The following RECK variants were observed in gnomAD, a reference collection of about 807,000 sequenced individuals.
RECK encodes reversion-inducing cysteine-rich protein with Kazal motifs.
Under a neutral mutation model 115.1 loss-of-function variants are expected in RECK, and 69 were observed. The ratio of observed to expected loss-of-function variants is 0.60; its 90% confidence interval spans 0.49 to 0.73. The LOEUF (loss-of-function observed/expected upper bound fraction) is 0.73, where lower values mean the gene tolerates loss of function less well. Ranked by LOEUF, RECK falls within the 30% of genes least tolerant of loss-of-function variation. RECK has a pLI of 0.00. For missense variants in RECK, 1,047 were observed against 1,203.7 expected (o/e 0.87, Z 1.93); for synonymous variants, 414 against 419.7 (o/e 0.99, Z 0.17).
At chr9:36,117,299 C>CA in intron 17 of RECK, 122 bp downstream of exon 17, 1 of 718,534 alleles carries the variant, frequency 1.4e-6, no homozygotes, top group Non-Finnish European at 2.2e-6. Context: ...AAATCTATAG[C>CA]ACCCAGTCCT....
At chr9:36,050,636 A>G (rs568876640) in intron 1 of RECK, among the ~76,000 whole-genome samples, 7 of 152,244 alleles carry the variant, frequency 4.6e-5, no homozygotes, top group Non-Finnish European at 8.8e-5. Flanking sequence ...GTGGTTTTCC[A>G]TCCTTCTCAG....
At chr9:36,043,915 C>A (rs1175625126) in intron 1 of RECK, among the ~76,000 whole-genome samples, 1 of 151,986 alleles carries the variant, frequency 6.6e-6, no homozygotes, top group African/African-American at 2.4e-5. Context: ...GTGACTATAG[C>A]CTTATAGTAT....
intron 20 of RECK, 23 bp from the exon 21 acceptor site, chr9:36,122,800 AG>A (rs1824510532): frequency 6.3e-7 from 1 of 1,594,386 alleles, no homozygotes. Flanking sequence ...TTTTATATTA[AG>A]GGAACCTTGT....
chr9:36,061,252 C>A (rs974749766), intron 4 of RECK, among the ~76,000 whole-genome samples: 1 of 151,890 alleles, frequency 6.6e-6, no homozygotes, highest in African/African-American at 2.4e-5. Context: ...AAGAGTATAC[C>A]TTATGTATCT....
intron 14 of RECK, among the ~76,000 whole-genome samples, chr9:36,109,306 C>T (rs1411391593): frequency 1.3e-5 from 2 of 152,158 alleles, no homozygotes; most frequent in Non-Finnish European, 2.9e-5. Flanking sequence ...ACCAAGTGCT[C>T]TTCTGGGAGC....
chr9:36,073,241 G>GACACACACACACACACACAC (rs778489595), intron 6 of RECK, among the ~76,000 whole-genome samples: 21 of 67,546 alleles, frequency 3.1e-4, no homozygotes, highest in South Asian at 1.6e-3. Flanking sequence ...GACACACACA[G>GACACACACACACACACACAC]ACACACACAC....
intron 13 of RECK, among the ~76,000 whole-genome samples, chr9:36,107,726 T>C (rs1168548301): frequency 6.6e-6 from 1 of 152,188 alleles, no homozygotes; most frequent in African/African-American, 2.4e-5. Context: ...AGCACTGTTA[T>C]ACTGAATGAT....
chr9:36,065,817 A>G (rs1821974794), intron 6 of RECK, among the ~76,000 whole-genome samples, 193 bp downstream of exon 6: 1 of 152,174 alleles, frequency 6.6e-6, no homozygotes, highest in South Asian at 2.1e-4. Flanking sequence ...GTTGAAATGA[A>G]GTATTAATTT....
intron 10 of RECK, among the ~76,000 whole-genome samples, chr9:36,093,926 T>C (rs1475912617): frequency 6.6e-6 from 1 of 151,880 alleles, no homozygotes; most frequent in African/African-American, 2.4e-5. Flanking sequence ...TCAGAAACAA[T>C]GGAGAACCAA....
intron 12 of RECK, among the ~76,000 whole-genome samples, chr9:36,102,829 G>A (rs1009440498): frequency 1.2e-4 from 18 of 151,780 alleles, no homozygotes; most frequent in African/African-American, 3.9e-4. Flanking sequence ...GGTGGCGGGC[G>A]CCTGTAGTCC....
rs1396648690 is a variant in RECK at position 36,114,731 on chromosome 9, G to A, written c.2061-2254G>A. 4.6e-5 allele frequency among the ~76,000 whole-genome samples: 7 copies of A among 152,230 alleles called. No homozygotes were observed. The East Asian group carries it at 1.4e-3, about 29-fold the overall frequency. ...ATGGTGGCTTCCACCTGTAGTCCCA[G>A]CTACTCGGGAGGCTGAGGCAGGAGA... On this transcript the variant is annotated intron_variant, in intron 16 of 20. Transcript: ENST00000377966.
At chr9:36,037,189 G>C (rs900979428) in intron 1 of RECK, 91 bp downstream of exon 1, 4 of 782,924 alleles carry the variant, frequency 5.1e-6, no homozygotes, top group Middle Eastern at 4.3e-4. Flanking sequence ...GGGGGTGCGC[G>C]CGACCCCCAG....
At position 36,087,874 on chromosome 9, in the gene RECK, C is replaced by T. The variant is rs750310679; in HGVS notation, c.818C>T (p.Pro273Leu). The T allele has an allele frequency of 4.3e-6, 7 of 1,613,820 alleles. No homozygotes were observed. Among genetic ancestry groups the T allele is most frequent in the Admixed American group, 1.7e-5 (1 of 60,006 alleles). The change falls in exon 9 of 21, where the codon CCT becomes CTT. Residue 273 changes from proline to leucine, a missense_variant. By Grantham distance (98) the Pro-to-Leu change is moderately conservative. Transcript: ENST00000377966. ...CTTGAAAGCTCACAATCTGTTCACC[C>T]TGGAGTCACTGTACACCCTCCTCCC... ...CFLESSQSVH[P>L]GVTVHPPPST...
chr9:36,062,589 C>CA (rs1398770619), intron 4 of RECK, among the ~76,000 whole-genome samples: 1 of 152,010 alleles, frequency 6.6e-6, no homozygotes, highest in African/African-American at 2.4e-5. Flanking sequence ...GCAGTTCTCC[C>CA]ACCTCACCCT....
chr9:36,121,418 C>T (rs569588445), intron 19 of RECK, 115 bp from the exon 20 acceptor site: 31 of 954,404 alleles, frequency 3.2e-5, no homozygotes, highest in South Asian at 5.2e-5. Context: ...TTGGGCCTTC[C>T]GCTGAGGGCT....
rs1378637697 is a variant in RECK, at chr9:36,123,530, TATG to T, written c.*487_*489del. 1.3e-5 allele frequency: 2 copies of T among 152,668 alleles called. No homozygotes were observed. The allele number at this position is 152,668 out of a possible 1,614,324, so 9.5% of individuals were successfully genotyped here. On this transcript the variant is annotated 3_prime_UTR_variant, in exon 21 of 21. Transcript: ENST00000377966. ...GTGAAGAGCCACTGCCATTAAAGAA[TATG>T]AAACATAGATAAAACATCTTTGAAA...
Position 36,112,142 on chromosome 9 carries a change from A to C in RECK, c.1889-163A>C, listed in dbSNP as rs985673241. On this transcript the variant is annotated intron_variant, in intron 15 of 20. Coordinates refer to ENST00000377966, the MANE Select transcript of RECK (RefSeq NM_021111.3). ...CATCTCAAAAAAAAAAAAAAAAAAA[A>C]AACCCTGTCAGAGATCGGAGAGAAG... 1.1e-4 allele frequency among the ~76,000 whole-genome samples: 17 copies of C among 150,738 alleles called. No individual in the cohort carries two copies. In the East Asian group the frequency reaches 2.9e-3, roughly 26 times the overall value.
At chr9:36,040,648 G>A (rs999573232) in intron 1 of RECK, among the ~76,000 whole-genome samples, 24 of 152,006 alleles carry the variant, frequency 1.6e-4, no homozygotes, top group African/African-American at 5.6e-4. Context: ...TGGGGTAAGA[G>A]TATAAGCAGG....
Position 36,119,605 on chromosome 9 carries a change from G to A in RECK, c.2464+638G>A, listed in dbSNP as rs1027258877. 3.3e-5 allele frequency among the ~76,000 whole-genome samples: 5 copies of A among 152,266 alleles called. No homozygotes were observed. The East Asian group carries it at 9.7e-4, about 29-fold the overall frequency. On this transcript the variant is annotated intron_variant, in intron 18 of 20. Coordinates refer to ENST00000377966, the MANE Select transcript of RECK (RefSeq NM_021111.3). ...ATCTAACAGGTTCATTCCTCCATCC[G>A]TTAATTCATCAAATGTTTATTTAGC...
Sources: gnomAD v4.1 joint callset for allele counts (sites outside exome capture counted in the v4.1 genomes callset) on GRCh38, gnomAD v4.1.1 for gene constraint, MANE v1.5 for transcripts, NCBI Gene and HGNC (gene_info 2026-07-23, HGNC 2026-07-21) for gene names.